SHANK2: variants seen among roughly 807,000 people sequenced by gnomAD.
The protein encoded by SHANK2 is SH3 and multiple ankyrin repeat domains 2, also known as SH3 and multiple ankyrin repeat domains protein 2.
A neutral mutation model predicts 133.7 loss-of-function variants in SHANK2; 43 were observed. That is an observed-to-expected ratio of 0.32 (90% CI 0.25 to 0.41). The LOEUF is 0.41. SHANK2 is among the 10% of genes least tolerant of loss of function. SHANK2 has a pLI of 1.00. For synonymous variants in SHANK2, 1,017 were observed against 952.8 expected (o/e 1.07, Z -1.24); for missense variants, 1,994 against 2,235.8 (o/e 0.89, Z 2.18).
At position 70,798,514 on chromosome 11, in the gene SHANK2, C is replaced by T. The variant is rs146580493; in HGVS notation, c.1706G>A (p.Arg569His). ...CGCCGGAAACCATCCGATGTGGCCG[C>T]GGGCGCTGCCTTCCCAGAAGCCCCC... ...GEGGFWEGSA[R>H]GHIGWFPAEC... The change falls in exon 14 of 26, where the codon CGC (arginine) becomes CAC (histidine). Residue 569 changes from arginine (R) to histidine (H), a missense_variant. Around this residue, in one of 5 missense-constraint regions of SHANK2, gnomAD observed 653 missense variants for 563.4 expected, o/e 1.16. Coordinates refer to ENST00000601538, the MANE Select transcript of SHANK2 (RefSeq NM_012309.5). 8.5e-3 allele frequency: 6,093 copies of T among 718,584 alleles called. 38 individuals are homozygous for T. Among genetic ancestry groups the T allele is most frequent in the Non-Finnish European group, 0.012 (4,772 of 385,096 alleles). 44.5% of individuals were successfully genotyped at this position (718,584 alleles called of 1,614,324 possible). A position where few individuals can be genotyped will look rare whatever the true frequency, so the allele number is the denominator to read the frequency against.
chr11:70,758,142 T>G (rs1377239974), intron 14 of SHANK2, among the ~76,000 whole-genome samples: 1 of 152,140 alleles, frequency 6.6e-6, no homozygotes, highest in Non-Finnish European at 1.5e-5. Flanking sequence ...GGTAAAGAAA[T>G]AGCCAATCAT....
At chr11:70,611,965 G>GT (rs2060663566) in intron 17 of SHANK2, among the ~76,000 whole-genome samples, 4 of 151,672 alleles carry the variant, frequency 2.6e-5, no homozygotes, top group Non-Finnish European at 5.9e-5. Context: ...GGTGGGGGAG[G>GT]GGGGGCGGGT....
At position 70,569,636 on chromosome 11, in the gene SHANK2, G is replaced by T. The variant is rs1389349369; in HGVS notation, c.2062-66705C>A. Among the ~76,000 whole-genome samples the T allele has an allele frequency of 6.6e-6, 1 of 152,172 alleles. No homozygotes were observed. The highest frequency in any genetic ancestry group is 1.5e-5 in the Non-Finnish European group (1 of 68,028). On this transcript the variant is annotated intron_variant, in intron 17 of 25. Coordinates refer to ENST00000601538, the MANE Select transcript of SHANK2 (RefSeq NM_012309.5). This position sits in a 1 kb window ranked among gnomAD's most constrained non-coding sequence, Gnocchi z 5.1. ...CAGCCCTCGGGCTCAGGAGTGCCCA[G>T]TGACCCAGTCCTGGCCAATCAGGGG...
chr11:70,695,183 T>C (rs1945367653), intron 15 of SHANK2, among the ~76,000 whole-genome samples: 1 of 152,152 alleles, frequency 6.6e-6, no homozygotes, highest in Admixed American at 6.5e-5. Context: ...TTTGCGTTAA[T>C]GCAGACAGAG....
chr11:70,477,895 G>A (rs1830776425), intron 25 of SHANK2, among the ~76,000 whole-genome samples: 1 of 152,138 alleles, frequency 6.6e-6, no homozygotes, highest in Non-Finnish European at 1.5e-5. Flanking sequence ...AGATGGTTAC[G>A]TTGCTAAGCA....
chr11:70,647,180 T>C (rs930891857), intron 17 of SHANK2, among the ~76,000 whole-genome samples: 3 of 152,184 alleles, frequency 2.0e-5, no homozygotes, highest in Non-Finnish European at 4.4e-5. Context: ...GAAATCTAAC[T>C]TAAAGCACAA....
intron 2 of SHANK2, among the ~76,000 whole-genome samples, chr11:71,151,257 CG>C (rs1952792154): frequency 6.9e-6 from 1 of 145,574 alleles, no homozygotes; most frequent in Admixed American, 6.7e-5. Flanking sequence ...GGGGAGGCCA[CG>C]GGCAGTTCAC....
intron 3 of SHANK2, among the ~76,000 whole-genome samples, chr11:71,143,422 G>T (rs1444731087): frequency 2.0e-5 from 3 of 152,196 alleles, no homozygotes; most frequent in African/African-American, 7.2e-5. Context: ...AACAGCCAAA[G>T]GTTTCAGCCT....
intron 14 of SHANK2, among the ~76,000 whole-genome samples, chr11:70,704,873 C>T (rs1407570094): frequency 6.6e-6 from 1 of 152,228 alleles, no homozygotes; most frequent in Admixed American, 6.5e-5. Flanking sequence ...TCTTAGCTCT[C>T]CTGTGGTTGA....
chr11:71,195,903 C>T (rs182451513), intron 2 of SHANK2, among the ~76,000 whole-genome samples: 25 of 152,244 alleles, frequency 1.6e-4, no homozygotes, highest in Middle Eastern at 3.4e-3. Context: ...TGTGATGGGC[C>T]GGGTGCAGTG....
intron 1 of SHANK2, among the ~76,000 whole-genome samples, chr11:71,246,311 C>G (rs541849523): frequency 1.7e-4 from 26 of 152,202 alleles, no homozygotes; most frequent in Admixed American, 1.4e-3. Context: ...CCACCCCCAC[C>G]GAGGACTCTA....
At chr11:71,158,498 A>T (rs1408620901) in intron 2 of SHANK2, among the ~76,000 whole-genome samples, 1 of 152,246 alleles carries the variant, frequency 6.6e-6, no homozygotes, top group African/African-American at 2.4e-5. Context: ...ATGAAGAGCT[A>T]TACAATGATC....
intron 12 of SHANK2, among the ~76,000 whole-genome samples, chr11:70,808,849 G>A (rs1337096470): frequency 5.9e-5 from 9 of 152,136 alleles, no homozygotes; most frequent in East Asian, 1.9e-4. Context: ...CACACTGGAC[G>A]AGGAAGCACC....
At position 70,486,756 on chromosome 11, in the gene SHANK2, G is replaced by A; in HGVS notation, c.3537C>T (p.Ala1179=). The change falls in exon 25 of 26, where the codon GCC becomes GCT. Residue 1179 remains alanine, a synonymous_variant. Coordinates refer to ENST00000601538, the MANE Select transcript of SHANK2 (RefSeq NM_012309.5). This position sits in a 1 kb window ranked among gnomAD's most constrained non-coding sequence, Gnocchi z 8.0. The part of the protein sequence containing the change: ...AGRPLNSTSK[A]QGPESSPAVP... ...CTGCTGGGCTGCTCTCGGGCCCCTGGGCTTTGGACGTGGAATTCAGCGGCC... is the reference window on the plus strand; with the variant it reads ...CTGCTGGGCTGCTCTCGGGCCCCTGAGCTTTGGACGTGGAATTCAGCGGCC... 6.2e-7 allele frequency: 1 copy of A among 1,611,050 alleles called. No individual in the cohort carries two copies.
rs781943323 is a variant in SHANK2, at chr11:70,472,962, G to A, written c.5457C>T (p.Asn1819=). 1 of 1,614,216 alleles carries A rather than the reference G, an allele frequency of 6.2e-7. No homozygotes were observed. Reference sequence around the variant, plus strand: ...GATCGATGAGGTCCTCCTTCTGCAGGTTTGGTAAGTGACTGCCATCGATCT... The same window carrying A: ...GATCGATGAGGTCCTCCTTCTGCAGATTTGGTAAGTGACTGCCATCGATCT... ...DNEIDGSHLP[N]LQKEDLIDLG... Residue 1819 remains asparagine, a synonymous_variant, in exon 26 of 26, where the codon AAC becomes AAT. Coordinates refer to ENST00000601538, the MANE Select transcript of SHANK2 (RefSeq NM_012309.5). The surrounding 1 kb of genome is among the most constrained non-coding windows in gnomAD (Gnocchi z 4.4).
chr11:70,561,266 G>A (rs1004263462), intron 17 of SHANK2, among the ~76,000 whole-genome samples: 2 of 151,964 alleles, frequency 1.3e-5, no homozygotes, highest in African/African-American at 2.4e-5. Flanking sequence ...CAATCTTCCT[G>A]CCTCAGCCTC....
intron 4 of SHANK2, among the ~76,000 whole-genome samples, chr11:71,117,751 C>T (rs191295459): frequency 1.3e-5 from 2 of 152,342 alleles, no homozygotes; most frequent in East Asian, 1.9e-4. Flanking sequence ...GCACGCTGGG[C>T]CCTCCCGACG....
At chr11:71,216,146 C>T (rs1056374387) in intron 2 of SHANK2, among the ~76,000 whole-genome samples, 5 of 152,302 alleles carry the variant, frequency 3.3e-5, no homozygotes, top group East Asian at 3.9e-4. Context: ...GAAACGAAAT[C>T]GCGTCCACAC....
At chr11:71,079,772 A>G in intron 8 of SHANK2, among the ~76,000 whole-genome samples, 1 of 148,134 alleles carries the variant, frequency 6.8e-6, no homozygotes, top group Admixed American at 6.7e-5. Context: ...GAGAGAAAGA[A>G]AGAGAGAGTA....
Sources: allele counts gnomAD v4.1 joint callset (sites outside exome capture counted in the v4.1 genomes callset), GRCh38; gene constraint gnomAD v4.1.1; regional missense constraint gnomAD v4.1.1; non-coding constraint Gnocchi (gnomAD v3.1); transcripts MANE v1.5; gene names NCBI Gene and HGNC (gene_info 2026-07-23, HGNC 2026-07-21).